Variants in STARD13 observed in about 807,000 individuals in gnomAD.
STARD13 encodes stAR-related lipid transfer protein 13.
STARD13 carries 62 observed loss-of-function variants against 106.4 expected under a neutral mutation model. The observed-to-expected ratio is 0.58, with a 90% CI of 0.48 to 0.72. The LOEUF (loss-of-function observed/expected upper bound fraction) is 0.72, where lower values mean the gene tolerates loss of function less well. STARD13 is among the 30% of genes least tolerant of loss of function. STARD13 has a pLI of 0.00. For missense variants in STARD13, 1,387 were observed against 1,424.0 expected, an observed-to-expected ratio of 0.97 and a Z score of 0.42; for synonymous variants, 565 against 553.0, an observed-to-expected ratio of 1.02 and a Z score of -0.31.
At chr13:33,494,352 T>C in the STARD13 span, among the ~76,000 whole-genome samples, 2 of 146,528 alleles carry the variant, frequency 1.4e-5, no homozygotes, top group African/African-American at 5.4e-5. Context: ...CTGACTAGTC[T>C]AAATTCCAGG....
intron 1 of STARD13, among the ~76,000 whole-genome samples, chr13:33,191,572 T>C (rs1236005044): frequency 1.3e-5 from 2 of 152,232 alleles, no homozygotes; most frequent in African/African-American, 4.8e-5. Flanking sequence ...ACACCCAGGC[T>C]AACTGAATCC....
chr13:33,172,593 G>A (rs763211644), intron 1 of STARD13, among the ~76,000 whole-genome samples: 2 of 152,182 alleles, frequency 1.3e-5, no homozygotes, highest in Non-Finnish European at 2.9e-5. Context: ...TTAAGCTGGT[G>A]TGTCTAGCGT....
At chr13:33,491,634 T>TA in the STARD13 span, among the ~76,000 whole-genome samples, 2 of 152,048 alleles carry the variant, frequency 1.3e-5, no homozygotes, top group South Asian at 2.1e-4. Context: ...CCACTTCTCA[T>TA]AAAAAAATGG....
At chr13:33,499,540 C>CT in the STARD13 span, among the ~76,000 whole-genome samples, 68 of 49,042 alleles carry the variant, frequency 1.4e-3, 4 homozygotes, top group Admixed American at 6.6e-3. Context: ...TCTTCTTCTT[C>CT]TTCTTCTTCT....
At chr13:33,239,736 G>T (rs568885265) in intron 1 of STARD13, among the ~76,000 whole-genome samples, 1 of 151,904 alleles carries the variant, frequency 6.6e-6, no homozygotes, top group Non-Finnish European at 1.5e-5. Flanking sequence ...TTTAAATCAG[G>T]CAATTTGTTT....
rs773777215 is a variant in STARD13 at position 33,112,957 on chromosome 13, T to C, written c.2282-26A>G. 2.5e-5 allele frequency: 39 copies of C among 1,571,202 alleles called. No homozygotes were observed. The East Asian group carries it at 7.7e-4, about 31-fold the overall frequency. ...CTGAGGAAAAGTGGATGCCAGGTCA[T>C]TGGAGGAGCAGACATAGAAAGAGCC... On this transcript the variant is annotated intron_variant, in intron 8 of 13. Coordinates refer to ENST00000336934, the MANE Select transcript of STARD13 (RefSeq NM_178006.4).
the STARD13 span, among the ~76,000 whole-genome samples, chr13:33,605,075 C>T: frequency 6.6e-6 from 1 of 151,190 alleles, no homozygotes; most frequent in Non-Finnish European, 1.5e-5. Flanking sequence ...CCTATCTCTA[C>T]CAAACATTAA....
At chr13:33,119,958 G>A (rs1456498403) in intron 7 of STARD13, among the ~76,000 whole-genome samples, 1 of 152,216 alleles carries the variant, frequency 6.6e-6, no homozygotes, top group East Asian at 1.9e-4. Context: ...AAGATGTCAG[G>A]TGAGTGATTA....
intron 1 of STARD13, among the ~76,000 whole-genome samples, chr13:33,254,840 C>T (rs1002627076): frequency 2.6e-5 from 4 of 152,158 alleles, no homozygotes; most frequent in Admixed American, 2.6e-4. Context: ...GGCTCCCCAT[C>T]CATCCCACTG....
At chr13:33,180,792 T>C (rs1885154636) in intron 1 of STARD13, among the ~76,000 whole-genome samples, 2 of 152,238 alleles carry the variant, frequency 1.3e-5, no homozygotes, top group South Asian at 2.1e-4. Flanking sequence ...GTTGCTCTTA[T>C]GCATATAATG....
chr13:33,203,805 T>C (rs533113793), intron 1 of STARD13, among the ~76,000 whole-genome samples: 7 of 152,332 alleles, frequency 4.6e-5, no homozygotes, highest in African/African-American at 1.7e-4. Context: ...AGGCTAAAGT[T>C]TTTAGCTTTT....
chr13:33,129,799 T>C lies in STARD13; in HGVS notation c.878A>G (p.Gln293Arg), dbSNP rs776481656. The C allele has an allele frequency of 1.2e-6, 2 of 1,613,784 alleles. No homozygotes were observed. The highest frequency in any genetic ancestry group is 3.3e-5 in the Admixed American group (2 of 60,032). Reference protein sequence around the residue: ...GLVISGPMLQQEPESFKAMQC... With the variant: ...GLVISGPMLQREPESFKAMQC... ...CATAGCCTTAAAGGACTCTGGCTCCTGCTGCAACATGGGCCCACTGATCAC... is the reference window on the plus strand; with the variant it reads ...CATAGCCTTAAAGGACTCTGGCTCCCGCTGCAACATGGGCCCACTGATCAC... Residue 293 changes from glutamine to arginine, a missense_variant, in exon 5 of 14, where the codon CAG becomes CGG. By Grantham distance (43) the Gln-to-Arg change is conservative. Transcript: ENST00000336934.
the STARD13 span, among the ~76,000 whole-genome samples, chr13:33,530,647 C>T: frequency 1.3e-5 from 2 of 152,172 alleles, no homozygotes; most frequent in Admixed American, 6.5e-5. Flanking sequence ...GGGTTTAATC[C>T]GTTTGGCATG....
intron 1 of STARD13, among the ~76,000 whole-genome samples, chr13:33,191,041 G>A (rs961720371): frequency 6.6e-6 from 1 of 152,140 alleles, no homozygotes; most frequent in African/African-American, 2.4e-5. Flanking sequence ...AAGATGTTGG[G>A]ATTTTGTAAA....
the STARD13 span, among the ~76,000 whole-genome samples, chr13:33,438,987 AC>A: frequency 9.9e-5 from 15 of 152,214 alleles, no homozygotes; most frequent in Non-Finnish European, 1.9e-4. Context: ...TACGCTATCT[AC>A]AAGATATGAA....
At chr13:33,168,728 T>C (rs574394724) in intron 1 of STARD13, among the ~76,000 whole-genome samples, 2 of 152,328 alleles carry the variant, frequency 1.3e-5, no homozygotes, top group African/African-American at 4.8e-5. Context: ...AGAAATGATC[T>C]ACACTAACAT....
the STARD13 span, among the ~76,000 whole-genome samples, chr13:33,666,404 C>T: frequency 2.0e-5 from 3 of 152,282 alleles, no homozygotes; most frequent in Non-Finnish European, 4.4e-5. Flanking sequence ...CGCCGTTCTC[C>T]TGCCTCAGCC....
the STARD13 span, among the ~76,000 whole-genome samples, chr13:33,546,248 T>C: frequency 6.6e-6 from 1 of 152,204 alleles, no homozygotes. Context: ...ACATAATATG[T>C]AAATGGATGT....
At chr13:33,337,792 T>TTCCCCTGA (rs948155219) in intron 1 of STARD13, among the ~76,000 whole-genome samples, 6 of 152,228 alleles carry the variant, frequency 3.9e-5, no homozygotes, top group African/African-American at 1.4e-4. Flanking sequence ...AGGAACTGGC[T>TTCCCCTGA]TCCCCTGAGT....
Sources: gnomAD v4.1 joint callset for allele counts (sites outside exome capture counted in the v4.1 genomes callset) on GRCh38, gnomAD v4.1.1 for gene constraint, MANE v1.5 for transcripts, NCBI Gene and HGNC (gene_info 2026-07-23, HGNC 2026-07-21) for gene names.